SLC13A2: variants seen among roughly 807,000 people sequenced by gnomAD.
SLC13A2 encodes solute carrier family 13 member 2, also known as Na(+)-coupled citrate transporter.
SLC13A2 carries 40 observed loss-of-function variants against 58.5 expected under a neutral mutation model. That is an observed-to-expected ratio of 0.68 (90% CI 0.53 to 0.89). The LOEUF is 0.89. Ranked by LOEUF, SLC13A2 falls within the 40% of genes least tolerant of loss-of-function variation. SLC13A2 has a pLI of 0.00. For synonymous variants in SLC13A2, 341 were observed against 331.6 expected (o/e 1.03, Z -0.31); for missense variants, 694 against 772.6 (o/e 0.90, Z 1.21).
rs1299635917 is a variant in SLC13A2, at chr17:28,491,848, T to C, written c.874T>C (p.Phe292Leu). The C allele has an allele frequency of 6.2e-7, 1 of 1,613,690 alleles. No individual in the cohort carries two copies. The highest frequency in any genetic ancestry group is 8.5e-7 in the Non-Finnish European group (1 of 1,179,754). ...GTGGCTGCAGATCCTCTTCCTGGGC[T>C]TCAAGTAAGTGGCAAAGTTGGTGAG... The part of the protein sequence containing the change: ...WLWLQILFLG[F>L]NFRKNFGIGE... Residue 292 changes from phenylalanine (F) to leucine (L), a missense_variant, in exon 6 of 12, where the codon TTC becomes CTC. Coordinates refer to ENST00000314669, the MANE Select transcript of SLC13A2 (RefSeq NM_003984.4).
At chr17:28,483,103 A>C (rs1350456086) in intron 1 of SLC13A2, among the ~76,000 whole-genome samples, 3 of 152,216 alleles carry the variant, frequency 2.0e-5, no homozygotes, top group Non-Finnish European at 4.4e-5. Context: ...GACTGTGGGC[A>C]CATGTGCTGC....
Position 28,493,597 on chromosome 17 carries a change from A to G in SLC13A2, c.905A>G (p.Glu302Gly). Reference sequence around the variant, plus strand: ...TTCCGGAAGAACTTTGGCATTGGGGAAAAGATGCAGGAGCAACAGCAGGCA... The same window carrying G: ...TTCCGGAAGAACTTTGGCATTGGGGGAAAGATGCAGGAGCAACAGCAGGCA... The part of the protein sequence containing the change: ...FNFRKNFGIG[E>G]KMQEQQQAAY... The change falls in exon 7 of 12, where the codon GAA becomes GGA. Residue 302 changes from glutamate to glycine, a missense_variant. By Grantham distance (98) the Glu-to-Gly change is moderately conservative. Coordinates refer to ENST00000314669, the MANE Select transcript of SLC13A2 (RefSeq NM_003984.4). 6.2e-7 allele frequency: 1 copy of G among 1,606,548 alleles called. No homozygotes were observed. The highest frequency in any genetic ancestry group is 2.2e-5 in the East Asian group (1 of 44,624).
chr17:28,490,178 G>A, intron 2 of SLC13A2: 2 of 830,214 alleles, frequency 2.4e-6, no homozygotes, highest in South Asian at 2.0e-5. Context: ...GGAGGCTGAG[G>A]TGGGAGGATG....
At chr17:28,489,951 G>A (rs2068969703) in intron 2 of SLC13A2, among the ~76,000 whole-genome samples, 1 of 152,212 alleles carries the variant, frequency 6.6e-6, no homozygotes, top group Non-Finnish European at 1.5e-5. Flanking sequence ...AGTTTGACAA[G>A]AAGAGGGGAA....
At chr17:28,491,113 G>A (rs1273520876) in intron 4 of SLC13A2, among the ~76,000 whole-genome samples, 1 of 152,328 alleles carries the variant, frequency 6.6e-6, no homozygotes, top group South Asian at 2.1e-4. Flanking sequence ...GGCAAACCAA[G>A]ATGCTTGGTC....
At chr17:28,479,025 C>G (rs1316365774) in intron 1 of SLC13A2, among the ~76,000 whole-genome samples, 1 of 152,044 alleles carries the variant, frequency 6.6e-6, no homozygotes, top group African/African-American at 2.4e-5. Context: ...CAAGACCAGC[C>G]TGGGCAACAT....
At position 28,496,695 on chromosome 17, in the gene SLC13A2, G is replaced by A. The variant is rs1035468617; in HGVS notation, c.1608+108G>A. 1.5e-5 allele frequency: 22 copies of A among 1,451,778 alleles called. No homozygotes were observed. Among genetic ancestry groups the A allele is most frequent in the East Asian group, 1.4e-4 (6 of 41,988 alleles). The allele number at this position is 1,451,778 out of a possible 1,614,324, so 89.9% of individuals were successfully genotyped here. A position where few individuals can be genotyped will look rare whatever the true frequency, so the allele number is the denominator to read the frequency against. On this transcript the variant is annotated intron_variant, in intron 11 of 11. Transcript: ENST00000314669. This position sits in a 1 kb window ranked among gnomAD's most constrained non-coding sequence, Gnocchi z 4.2. The stretch of plus-strand genomic sequence containing the variant: ...GCCACTGAGAGTCTCAGAGTTGAGC[G>A]GGTCCTCATCTGGAATGAAGGTGCA...
At position 28,494,540 on chromosome 17, in the gene SLC13A2, C is replaced by G. The variant is rs782734096; in HGVS notation, c.1308+28C>G. The G allele has an allele frequency of 1.9e-5, 30 of 1,613,104 alleles. No homozygotes were observed. The African/African-American group carries it at 3.7e-4, about 20-fold the overall frequency. ...GAGAGGCCCCCAGCCCCCTCCTCAG[C>G]CTGTGTGAGGGTGTCTCTGTGGCAG... On this transcript the variant is annotated intron_variant, in intron 9 of 11. Coordinates refer to ENST00000314669, the MANE Select transcript of SLC13A2 (RefSeq NM_003984.4). The surrounding 1 kb of genome is among the most constrained non-coding windows in gnomAD (Gnocchi z 4.0).
In SLC13A2 at chr17:28,489,500, C is replaced by T. The variant is rs189959030; in HGVS notation, c.231+158C>T. Among the ~76,000 whole-genome samples, 448 of 152,120 alleles carry T rather than the reference C, an allele frequency of 2.9e-3. 6 individuals carry two copies. The highest frequency in any genetic ancestry group is 1.8e-3 in the Non-Finnish European group (123 of 67,994). ...GAGGAAGAAGTCAGCTAGAAGGCTG[C>T]GGGCTGGGGTGGGGAGGGGTGCAGA... On this transcript the variant is annotated intron_variant, in intron 2 of 11. Transcript: ENST00000314669.
chr17:28,483,387 G>A (rs142161691), intron 1 of SLC13A2, among the ~76,000 whole-genome samples: 11 of 152,096 alleles, frequency 7.2e-5, no homozygotes, highest in African/African-American at 2.4e-4. Flanking sequence ...CAGTGTTCTG[G>A]AAGGCTGAGG....
intron 1 of SLC13A2, among the ~76,000 whole-genome samples, chr17:28,477,402 G>C (rs892549765): frequency 2.0e-5 from 3 of 151,796 alleles, no homozygotes; most frequent in East Asian, 4.1e-4. Context: ...CACCGTGTTA[G>C]CCAGGATGGT....
Position 28,496,790 on chromosome 17 carries a change from G to C in SLC13A2, c.1608+203G>C, listed in dbSNP as rs2069152636. 6.6e-6 allele frequency among the ~76,000 whole-genome samples: 1 copy of C among 152,228 alleles called. No individual in the cohort carries two copies. The highest frequency in any genetic ancestry group is 1.5e-5 in the Non-Finnish European group (1 of 68,040). On this transcript the variant is annotated intron_variant, in intron 11 of 11. Transcript: ENST00000314669. The surrounding 1 kb of genome is among the most constrained non-coding windows in gnomAD (Gnocchi z 4.2). ...GCCCTGCCAGCCCCAGGCTATGTGAGAGGGAGGGAAGTGGGTGGGGAACAT... is the reference window on the plus strand; with the variant it reads ...GCCCTGCCAGCCCCAGGCTATGTGACAGGGAGGGAAGTGGGTGGGGAACAT...
chr17:28,475,034 T>C (rs2068647469), intron 1 of SLC13A2, among the ~76,000 whole-genome samples: 1 of 152,202 alleles, frequency 6.6e-6, no homozygotes, highest in Admixed American at 6.5e-5. Flanking sequence ...ATGACCTTCA[T>C]CTCAGGCCAA....
Position 28,491,441 on chromosome 17 carries a change from T to C in SLC13A2, c.579T>C (p.Asn193=), listed in dbSNP as rs782649206. The C allele has an allele frequency of 2.5e-6, 4 of 1,613,428 alleles. No individual in the cohort carries two copies. Among genetic ancestry groups the C allele is most frequent in the Non-Finnish European group, 3.4e-6 (4 of 1,179,942 alleles). The change falls in exon 5 of 12, where the codon AAT becomes AAC. Residue 193 remains asparagine, a synonymous_variant. Coordinates refer to ENST00000314669, the MANE Select transcript of SLC13A2 (RefSeq NM_003984.4). ...SPQKEVTKLD[N]GQALPVTSAS... ...TGGGCTCTCCCTTGTTCCCAGATAATGGGCAGGCCCTCCCTGTCACGTCTG... is the reference window on the plus strand; with the variant it reads ...TGGGCTCTCCCTTGTTCCCAGATAACGGGCAGGCCCTCCCTGTCACGTCTG...
At chr17:28,483,238 G>A (rs1555601429) in intron 1 of SLC13A2, among the ~76,000 whole-genome samples, 2 of 152,128 alleles carry the variant, frequency 1.3e-5, no homozygotes, top group Non-Finnish European at 2.9e-5. Context: ...ACTTCCATTT[G>A]TGCCTCATGT....
At chr17:28,483,783 C>G (rs567420944) in intron 1 of SLC13A2, among the ~76,000 whole-genome samples, 1 of 152,210 alleles carries the variant, frequency 6.6e-6, no homozygotes, top group African/African-American at 2.4e-5. Flanking sequence ...TTTACAGCAG[C>G]GAATGCTTGA....
chr17:28,491,021 A>T, intron 4 of SLC13A2, 115 bp downstream of exon 4: 2 of 1,036,510 alleles, frequency 1.9e-6, no homozygotes, highest in Non-Finnish European at 2.7e-6. Flanking sequence ...GAAGAAAGAG[A>T]TGCAAGAAGG....
Position 28,494,892 on chromosome 17 carries a change from G to A in SLC13A2, c.1308+380G>A, listed in dbSNP as rs1404968290. ...GGTCTGCCCTCCGCAGCCACCAGGG[G>A]GCACCATGATCACACCCACCCAGGC... On this transcript the variant is annotated intron_variant, in intron 9 of 11. Transcript: ENST00000314669. This position sits in a 1 kb window ranked among gnomAD's most constrained non-coding sequence, Gnocchi z 4.0. Among the ~76,000 whole-genome samples the A allele has an allele frequency of 4.6e-5, 7 of 152,072 alleles. No individual in the cohort carries two copies. The highest frequency in any genetic ancestry group is 1.7e-4 in the African/African-American group (7 of 41,394).
chr17:28,489,444 G>A, intron 2 of SLC13A2, 102 bp downstream of exon 2: 1 of 1,381,010 alleles, frequency 7.2e-7, no homozygotes, highest in Non-Finnish European at 9.7e-7. Context: ...CATAGGCAGG[G>A]CACATGGATT....
Sources: allele counts gnomAD v4.1 joint callset (sites outside exome capture counted in the v4.1 genomes callset), GRCh38; gene constraint gnomAD v4.1.1; non-coding constraint Gnocchi (gnomAD v3.1); transcripts MANE v1.5; gene names NCBI Gene and HGNC (gene_info 2026-07-23, HGNC 2026-07-21).